The following ASIC2 variants were observed in gnomAD, a reference collection of about 807,000 sequenced individuals.
ASIC2 encodes the protein acid-sensing ion channel 2.
ASIC2 carries 25 observed loss-of-function variants against 57.3 expected under a neutral mutation model. The ratio of observed to expected loss-of-function variants is 0.44; its 90% CI spans 0.32 to 0.61. ASIC2 has a LOEUF of 0.61. Ranked by LOEUF, ASIC2 falls within the 20% of genes least tolerant of loss-of-function variation. ASIC2 has a pLI of 0.06. For missense variants in ASIC2, 641 were observed against 738.1 expected (o/e 0.87, Z 1.52); for synonymous variants, 319 against 307.5 (o/e 1.04, Z -0.39).
intron 1 of ASIC2, among the ~76,000 whole-genome samples, chr17:33,696,256 T>C (rs899213895): frequency 1.2e-4 from 18 of 152,214 alleles, no homozygotes; most frequent in Non-Finnish European, 1.9e-4. Flanking sequence ...TTCTGGCTCC[T>C]GGGTGACAGG....
chr17:33,308,385 G>A (rs920412415), intron 1 of ASIC2, among the ~76,000 whole-genome samples: 1 of 152,170 alleles, frequency 6.6e-6, no homozygotes, highest in African/African-American at 2.4e-5. Flanking sequence ...CTGCTTCCAA[G>A]ACTTTCTGTG....
intron 1 of ASIC2, among the ~76,000 whole-genome samples, chr17:33,421,606 C>A (rs1911047693): frequency 6.6e-6 from 1 of 152,118 alleles, no homozygotes; most frequent in Non-Finnish European, 1.5e-5. Flanking sequence ...TACTTTATAC[C>A]CAGTTTGGGG....
At chr17:33,078,157 C>G (rs1275637056) in intron 3 of ASIC2, among the ~76,000 whole-genome samples, 6 of 152,096 alleles carry the variant, frequency 3.9e-5, no homozygotes, top group Admixed American at 3.9e-4. Flanking sequence ...GACATTAGGG[C>G]TCCTTTCTTC....
chr17:34,037,415 A>G, intron 1 of ASIC2: 1 of 517,640 alleles, frequency 1.9e-6, no homozygotes, highest in Non-Finnish European at 3.4e-6. Flanking sequence ...GCCTTTTCCT[A>G]CAAGGCCTGG....
intron 1 of ASIC2, among the ~76,000 whole-genome samples, chr17:33,870,414 TCATCACAGCCCA>T (rs1293951675): frequency 1.3e-5 from 2 of 151,434 alleles, no homozygotes; most frequent in African/African-American, 4.9e-5. Context: ...CTAGAATTCC[TCATCACAGCCCA>T]CAACACTTTG....
intron 1 of ASIC2, among the ~76,000 whole-genome samples, chr17:33,707,559 C>A (rs1304348565): frequency 6.6e-6 from 1 of 152,078 alleles, no homozygotes; most frequent in South Asian, 2.1e-4. Context: ...TTTGAAGCTC[C>A]TTTTAAAAAT....
chr17:33,510,682 G>A (rs1331796973), intron 1 of ASIC2, among the ~76,000 whole-genome samples: 1 of 152,142 alleles, frequency 6.6e-6, no homozygotes, highest in Admixed American at 6.5e-5. Context: ...AAAGGGCTTA[G>A]TCACACCGAG....
intron 1 of ASIC2, among the ~76,000 whole-genome samples, chr17:33,676,488 T>C (rs1907823238): frequency 6.6e-6 from 1 of 151,938 alleles, no homozygotes; most frequent in African/African-American, 2.4e-5. Context: ...AAAGCCTTCT[T>C]GCTGATATAG....
intron 1 of ASIC2, among the ~76,000 whole-genome samples, chr17:34,059,747 G>A (rs1481118749): frequency 2.6e-5 from 4 of 152,040 alleles, no homozygotes; most frequent in East Asian, 1.9e-4. Flanking sequence ...GACAACCTGC[G>A]TGACTCAGCA....
At chr17:33,746,227 T>C (rs1326649249) in intron 1 of ASIC2, among the ~76,000 whole-genome samples, 1 of 151,402 alleles carries the variant, frequency 6.6e-6, no homozygotes, top group Admixed American at 6.6e-5. Flanking sequence ...TGTCTTCCTT[T>C]CTTTTCTTAG....
chr17:33,218,891 G>A (rs1401889195), intron 1 of ASIC2, among the ~76,000 whole-genome samples: 2 of 152,180 alleles, frequency 1.3e-5, no homozygotes, highest in African/African-American at 4.8e-5. Context: ...TGTATTTGAT[G>A]ACTCAGGATC....
At chr17:33,805,295 A>T (rs1478171046) in intron 1 of ASIC2, among the ~76,000 whole-genome samples, 1 of 152,102 alleles carries the variant, frequency 6.6e-6, no homozygotes, top group Non-Finnish European at 1.5e-5. Context: ...ATGTCTGTTG[A>T]TTGACCCAGG....
At chr17:33,596,874 T>C (rs183675536) in intron 1 of ASIC2, among the ~76,000 whole-genome samples, 94 of 152,314 alleles carry the variant, frequency 6.2e-4, no homozygotes, top group Non-Finnish European at 9.1e-4. Flanking sequence ...TAGACTCCGT[T>C]TGACAGATGA....
intron 1 of ASIC2, among the ~76,000 whole-genome samples, chr17:34,098,832 G>T (rs1910638864): frequency 6.6e-6 from 1 of 151,904 alleles, no homozygotes; most frequent in Non-Finnish European, 1.5e-5. Flanking sequence ...GTGATTTCTG[G>T]GAATGCACGG....
At chr17:33,950,938 T>G (rs901161243) in intron 1 of ASIC2, among the ~76,000 whole-genome samples, 2 of 152,192 alleles carry the variant, frequency 1.3e-5, no homozygotes, top group African/African-American at 4.8e-5. Flanking sequence ...AGTTAACAAA[T>G]TGATCTTCAG....
chr17:33,206,129 G>A (rs991411345), intron 1 of ASIC2, among the ~76,000 whole-genome samples: 22 of 152,208 alleles, frequency 1.4e-4, no homozygotes, highest in Non-Finnish European at 2.9e-4. Flanking sequence ...CTAGATGACA[G>A]GAGAAGAGCT....
intron 1 of ASIC2, among the ~76,000 whole-genome samples, chr17:33,781,145 C>T (rs956309836): frequency 6.6e-6 from 1 of 152,168 alleles, no homozygotes; most frequent in Non-Finnish European, 1.5e-5. Context: ...ACCTTTCTCC[C>T]AGCCCTGCTT....
At chr17:33,840,201 C>T (rs1382067819) in intron 1 of ASIC2, among the ~76,000 whole-genome samples, 1 of 152,154 alleles carries the variant, frequency 6.6e-6, no homozygotes, top group African/African-American at 2.4e-5. Flanking sequence ...CAGCTGCAGT[C>T]CTCTAGTGGG....
At chr17:33,652,409 G>C (rs780102833) in intron 1 of ASIC2, among the ~76,000 whole-genome samples, 85 of 152,176 alleles carry the variant, frequency 5.6e-4, no homozygotes, top group Non-Finnish European at 1.0e-3. Flanking sequence ...TTATGTGCCA[G>C]GTATGTTTTT....
Sources: allele counts gnomAD v4.1 joint callset (sites outside exome capture counted in the v4.1 genomes callset), GRCh38; gene constraint gnomAD v4.1.1; transcripts MANE v1.5; gene names NCBI Gene and HGNC (gene_info 2026-07-23, HGNC 2026-07-21).